Variants in USP54 observed in about 807,000 individuals in gnomAD.
USP54 encodes ubiquitin carboxyl-terminal hydrolase 54.
In USP54, 87 loss-of-function variants were observed where a neutral mutation model predicts 170.5. The ratio of observed to expected loss-of-function variants is 0.51; its 90% CI spans 0.43 to 0.61. USP54 has a LOEUF of 0.61. USP54 is among the 20% of genes least tolerant of loss of function. The pLI is 0.00. For missense variants in USP54, 1,786 were observed against 2,047.8 expected (o/e 0.87, Z 2.47); for synonymous variants, 655 against 742.8 (o/e 0.88, Z 1.92).
At chr10:73,562,054 T>A (rs982731328) in intron 4 of USP54, among the ~76,000 whole-genome samples, 1 of 151,742 alleles carries the variant, frequency 6.6e-6, no homozygotes, top group East Asian at 1.9e-4. Context: ...TGAGCCGAGA[T>A]CATGCCACTG....
chr10:73,613,388 T>C (rs2080320854), intron 1 of USP54, among the ~76,000 whole-genome samples: 1 of 150,094 alleles, frequency 6.7e-6, no homozygotes, highest in Non-Finnish European at 1.5e-5. Flanking sequence ...TGCCTCGGCC[T>C]CCCCCTCCCA....
intron 1 of USP54, among the ~76,000 whole-genome samples, chr10:73,605,054 G>A (rs865966515): frequency 1.3e-5 from 2 of 152,106 alleles, no homozygotes; most frequent in South Asian, 4.1e-4. Flanking sequence ...CCTTTAGCTA[G>A]ACACGGAGTG....
intron 22 of USP54, among the ~76,000 whole-genome samples, chr10:73,502,503 C>T (rs1392507242): frequency 6.6e-6 from 1 of 152,056 alleles, no homozygotes; most frequent in South Asian, 2.1e-4. Flanking sequence ...TTAGTAGAGA[C>T]GGCATTTCAC....
intron 22 of USP54, 98 bp from the exon 23 acceptor site, chr10:73,500,936 G>A: frequency 2.3e-6 from 3 of 1,322,978 alleles, no homozygotes; most frequent in Non-Finnish European, 3.1e-6. Context: ...GGGAAATGGA[G>A]GGAACCAGAG....
chr10:73,595,285 G>C (rs899777319), upstream of USP54, among the ~76,000 whole-genome samples: 1 of 152,122 alleles, frequency 6.6e-6, no homozygotes, highest in Non-Finnish European at 1.5e-5. Flanking sequence ...GCAGTGGCTA[G>C]TCACAGGTGC....
intron 15 of USP54, among the ~76,000 whole-genome samples, chr10:73,528,315 G>A (rs1385735385): frequency 1.3e-5 from 2 of 151,858 alleles, no homozygotes; most frequent in South Asian, 2.1e-4. Flanking sequence ...GCAATGGCAC[G>A]ATCTTGGCTC....
intron 1 of USP54, among the ~76,000 whole-genome samples, chr10:73,602,855 CA>C (rs60433926): frequency 0.12 from 5,080 of 41,374 alleles, 112 homozygotes; most frequent in African/African-American, 0.27. Flanking sequence ...GACTCTGTCT[CA>C]AAAAAAAAAA....
intron 4 of USP54, among the ~76,000 whole-genome samples, chr10:73,559,559 T>TA (rs574245246): frequency 0.059 from 6,269 of 106,224 alleles, 398 homozygotes; most frequent in African/African-American, 0.17. Flanking sequence ...AAACTCCACC[T>TA]AAAAAAAAAA....
intron 16 of USP54, among the ~76,000 whole-genome samples, chr10:73,523,994 G>A (rs915068849): frequency 2.0e-5 from 3 of 150,206 alleles, no homozygotes; most frequent in Admixed American, 6.6e-5. Flanking sequence ...TGCAACCTCC[G>A]CCTCCCGGGT....
chr10:73,577,509 A>G (rs1409885322), intron 1 of USP54, among the ~76,000 whole-genome samples: 1 of 152,056 alleles, frequency 6.6e-6, no homozygotes, highest in Non-Finnish European at 1.5e-5. Context: ...CCGTCATAAT[A>G]TGACTACATG....
intron 4 of USP54, among the ~76,000 whole-genome samples, chr10:73,558,126 C>T (rs1302130511): frequency 6.6e-6 from 1 of 152,116 alleles, no homozygotes; most frequent in African/African-American, 2.4e-5. Context: ...ATGATCCGCC[C>T]ACTTCGGCCC....
chr10:73,613,390 C>T (rs1172168550), intron 1 of USP54, among the ~76,000 whole-genome samples: 3 of 151,734 alleles, frequency 2.0e-5, no homozygotes, highest in Non-Finnish European at 2.9e-5. Flanking sequence ...CCTCGGCCTC[C>T]CCCTCCCAAA....
chr10:73,557,374 C>T (rs976003174), intron 4 of USP54, among the ~76,000 whole-genome samples: 6 of 151,558 alleles, frequency 4.0e-5, no homozygotes, highest in East Asian at 3.9e-4. Flanking sequence ...CAGGCAGAAG[C>T]GCAGTGGCGC....
Position 73,575,241 on chromosome 10 carries a change from A to G in USP54, c.147+271T>C, listed in dbSNP as rs552024454. Among the ~76,000 whole-genome samples the G allele has an allele frequency of 2.6e-5, 4 of 152,288 alleles. No individual in the cohort carries two copies. In the East Asian group the frequency reaches 7.7e-4, roughly 29 times the overall value. The stretch of plus-strand genomic sequence containing the variant: ...CTCTGTCTGAAAGATCACCTGGTCC[A>G]TTTACCTCCCTTTAGGCATGTAAAT... On this transcript the variant is annotated intron_variant, in intron 3 of 23. Coordinates refer to ENST00000687698, the MANE Select transcript of USP54 (RefSeq NM_001391956.1).
chr10:73,619,398 T>G (rs2080907360), intron 1 of USP54, among the ~76,000 whole-genome samples: 1 of 148,530 alleles, frequency 6.7e-6, no homozygotes. Flanking sequence ...CTGGCTAAAT[T>G]TTTCACTTTT....
intron 17 of USP54, among the ~76,000 whole-genome samples, chr10:73,521,990 C>CA (rs1202344174): frequency 1.3e-5 from 2 of 152,164 alleles, no homozygotes; most frequent in Admixed American, 6.5e-5. Flanking sequence ...ATGGGATTGC[C>CA]AGTGAGCCTT....
At chr10:73,605,489 T>C (rs1227210343) in intron 1 of USP54, among the ~76,000 whole-genome samples, 1 of 152,140 alleles carries the variant, frequency 6.6e-6, no homozygotes, top group African/African-American at 2.4e-5. Context: ...ATTGTGCCAC[T>C]GCATTCCAGC....
chr10:73,529,441 T>A (rs2063567627), intron 15 of USP54: 1 of 535,244 alleles, frequency 1.9e-6, no homozygotes, highest in Non-Finnish European at 3.4e-6. Context: ...CCCCTGAACC[T>A]AATTTTTTAA....
chr10:73,608,623 T>C (rs2079872096), intron 1 of USP54, among the ~76,000 whole-genome samples: 1 of 152,078 alleles, frequency 6.6e-6, no homozygotes, highest in African/African-American at 2.4e-5. Flanking sequence ...TGGCCAGGCT[T>C]GGTGGCTCAT....
Sources: allele counts gnomAD v4.1 joint callset (sites outside exome capture counted in the v4.1 genomes callset), GRCh38; gene constraint gnomAD v4.1.1; transcripts MANE v1.5; gene names NCBI Gene and HGNC (gene_info 2026-07-23, HGNC 2026-07-21).